LMO7: variants seen among roughly 807,000 people sequenced by gnomAD.
LMO7 encodes the protein LIM domain only protein 7.
A neutral mutation model predicts 206.5 loss-of-function variants in LMO7; 120 were observed. That is an observed-to-expected ratio of 0.58 (90% CI 0.50 to 0.68). The LOEUF (loss-of-function observed/expected upper bound fraction) is 0.68, where lower values mean the gene tolerates loss of function less well. LMO7 is among the 30% of genes least tolerant of loss of function. The probability of loss-of-function intolerance (pLI) is 0.00; values close to 1 mark genes in which losing one functional copy is unlikely to be tolerated. For missense variants in LMO7, 1,959 were observed against 1,957.9 expected (o/e 1.00, Z -0.01); for synonymous variants, 706 against 681.5 (o/e 1.04, Z -0.56).
At chr13:75,730,384 C>G (rs1260099318) in intron 3 of LMO7, among the ~76,000 whole-genome samples, 27 of 152,248 alleles carry the variant, frequency 1.8e-4, no homozygotes, top group Non-Finnish European at 3.2e-4. Context: ...GGAATTTATC[C>G]ATTTCTTCTA....
chr13:75,685,337 T>G (rs1199096299), intron 1 of LMO7, among the ~76,000 whole-genome samples: 1 of 152,184 alleles, frequency 6.6e-6, no homozygotes, highest in Non-Finnish European at 1.5e-5. Context: ...CATATTTGAG[T>G]GTTCTTTACC....
chr13:75,731,839 T>C (rs1325834065), intron 3 of LMO7, among the ~76,000 whole-genome samples: 1 of 151,982 alleles, frequency 6.6e-6, no homozygotes, highest in Non-Finnish European at 1.5e-5. Flanking sequence ...TGACAAAATC[T>C]CTCAGCATTT....
At chr13:75,672,202 C>T (rs1325858251) in intron 1 of LMO7, among the ~76,000 whole-genome samples, 1 of 151,200 alleles carries the variant, frequency 6.6e-6, no homozygotes, top group East Asian at 1.9e-4. Context: ...CTTGACTGCC[C>T]TTATATATTG....
chr13:75,836,429 T>G lies in LMO7; in HGVS notation c.3366T>G (p.His1122Gln). ...NIESKEINGI[H>Q]DESNAFESKA... ...AATCCAAAGAAATCAATGGAATTCA[T>G]GATGAAAGCAATGCTTTTGAATCAA... Residue 1122 changes from histidine (H) to glutamine (Q), a missense_variant, in exon 19 of 31, where the codon CAT becomes CAG. Physicochemically the swap from His to Gln is conservative, Grantham distance 24. Coordinates refer to ENST00000377534, the MANE Select transcript of LMO7 (RefSeq NM_001306080.2). 6.5e-7 allele frequency: 1 copy of G among 1,537,282 alleles called. No homozygotes were observed. Among genetic ancestry groups the G allele is most frequent in the Non-Finnish European group, 8.9e-7 (1 of 1,126,238 alleles).
At chr13:75,826,213 G>A (rs900395976) in intron 15 of LMO7, among the ~76,000 whole-genome samples, 7 of 151,630 alleles carry the variant, frequency 4.6e-5, no homozygotes, top group East Asian at 1.9e-4. Context: ...GCTAATTTTC[G>A]TATTTTTTTG....
At chr13:75,688,073 C>T (rs57195795) in intron 1 of LMO7, among the ~76,000 whole-genome samples, 302 of 152,322 alleles carry the variant, frequency 2.0e-3, no homozygotes, top group African/African-American at 6.9e-3. Flanking sequence ...CCCTTCTCCT[C>T]CTTTGCCTTC....
chr13:75,805,249 A>G, intron 8 of LMO7: 1 of 1,075,520 alleles, frequency 9.3e-7, no homozygotes, highest in Non-Finnish European at 1.2e-6. Context: ...TCTTCCTTTT[A>G]ACACAGCTTC....
chr13:75,756,926 G>T (rs1566393325), intron 3 of LMO7, among the ~76,000 whole-genome samples: 1 of 152,130 alleles, frequency 6.6e-6, no homozygotes, highest in African/African-American at 2.4e-5. Flanking sequence ...CACTGAGGTG[G>T]GTCCAGAGAG....
At chr13:75,696,864 A>G (rs1594344071) in intron 1 of LMO7, among the ~76,000 whole-genome samples, 1 of 152,046 alleles carries the variant, frequency 6.6e-6, no homozygotes, top group South Asian at 2.1e-4. Context: ...AGGTGTGGGG[A>G]CTGCCACTCT....
At chr13:75,634,802 T>G (rs2035531616), upstream of LMO7, among the ~76,000 whole-genome samples, 1 of 150,844 alleles carries the variant, frequency 6.6e-6, no homozygotes, top group African/African-American at 2.4e-5. Flanking sequence ...TGAGGTCAGT[T>G]CGAGACCAGC....
intron 3 of LMO7, among the ~76,000 whole-genome samples, chr13:75,745,355 G>A (rs893782694): frequency 6.6e-6 from 1 of 152,152 alleles, no homozygotes; most frequent in South Asian, 2.1e-4. Context: ...GCACATATTT[G>A]TGACTATACT....
rs12583064 is a variant in LMO7, at chr13:75,681,201, A to G, written c.70-31981A>G. Among the ~76,000 whole-genome samples, 51 of 152,240 alleles carry G rather than the reference A, an allele frequency of 3.3e-4. No homozygotes were observed. In the East Asian group the frequency reaches 9.8e-3, roughly 29 times the overall value. On this transcript the variant is annotated intron_variant, in intron 1 of 30. Transcript: ENST00000377534. Reference sequence around the variant, plus strand: ...TTTGCCAATTCTTACTTTTGTTGCAATTGCTTTCGATGTTTTTGCCATGAA... The same window carrying G: ...TTTGCCAATTCTTACTTTTGTTGCAGTTGCTTTCGATGTTTTTGCCATGAA...
At chr13:75,749,892 T>C (rs1015160137) in intron 3 of LMO7, among the ~76,000 whole-genome samples, 1 of 152,074 alleles carries the variant, frequency 6.6e-6, no homozygotes, top group African/African-American at 2.4e-5. Context: ...TGGCTGAGAC[T>C]GACTGCTTAT....
chr13:75,731,710 GT>G (rs1215054764), intron 3 of LMO7, among the ~76,000 whole-genome samples: 1 of 151,934 alleles, frequency 6.6e-6, no homozygotes, highest in Non-Finnish European at 1.5e-5. Flanking sequence ...AGTTGATGTA[GT>G]TTCTTCCTAG....
intron 30 of LMO7, chr13:75,857,499 C>G (rs2061057512): frequency 6.5e-6 from 1 of 154,334 alleles, no homozygotes; most frequent in Non-Finnish European, 1.4e-5. Context: ...CTGTCCAGTC[C>G]TTTCCTGGAT....
Position 75,744,028 on chromosome 13 carries a change from A to G in LMO7, c.211-16904A>G, listed in dbSNP as rs1033948318. On this transcript the variant is annotated intron_variant, in intron 3 of 30. Coordinates refer to ENST00000377534, the MANE Select transcript of LMO7 (RefSeq NM_001306080.2). Reference sequence around the variant, plus strand: ...TGAAGATTGTGCATTGCTGTCTTCAAGATAACAAATACTTGACAGTAAATA... The same window carrying G: ...TGAAGATTGTGCATTGCTGTCTTCAGGATAACAAATACTTGACAGTAAATA... 3.3e-5 allele frequency among the ~76,000 whole-genome samples: 5 copies of G among 152,304 alleles called. No homozygotes were observed. In the South Asian group the frequency reaches 6.2e-4, roughly 19 times the overall value.
Position 75,805,983 on chromosome 13 carries a change from A to G in LMO7, c.1196+223A>G, listed in dbSNP as rs188658327. ...CTATACATAGTCATAGCACGGCATT[A>G]TTTTTAGTAGTTCTGTTTTTCTCCA... On this transcript the variant is annotated intron_variant, in intron 9 of 30. Coordinates refer to ENST00000377534, the MANE Select transcript of LMO7 (RefSeq NM_001306080.2). 1.1e-3 allele frequency: 1,222 copies of G among 1,137,564 alleles called. 1 individual carries two copies. The highest frequency in any genetic ancestry group is 1.3e-3 in the Non-Finnish European group (1,124 of 873,398). The allele number at this position is 1,137,564 out of a possible 1,614,324, so 70.5% of individuals were successfully genotyped here.
At chr13:75,810,309 T>C (rs646831) in intron 11 of LMO7, among the ~76,000 whole-genome samples, 151,513 of 152,320 alleles carry the variant, frequency 0.99, 75,361 homozygotes, top group East Asian at 1. Flanking sequence ...TCTTCCCTTA[T>C]GAGGATTTAC....
chr13:75,628,208 C>A (rs79624398), intron 2 of LMO7: 4 of 152,208 alleles, frequency 2.6e-5, no homozygotes, highest in Admixed American at 2.6e-4. Context: ...CCTTTGTCCA[C>A]TGGGTGAAGC....
Sources: gnomAD v4.1 joint callset for allele counts (sites outside exome capture counted in the v4.1 genomes callset) on GRCh38, gnomAD v4.1.1 for gene constraint, MANE v1.5 for transcripts, NCBI Gene and HGNC (gene_info 2026-07-23, HGNC 2026-07-21) for gene names.